Variants in MGAM observed in about 807,000 individuals in gnomAD.
MGAM encodes maltase-glucoamylase, also known as alpha-1,4-glucosidase.
In MGAM, 253 loss-of-function variants were observed where a neutral mutation model predicts 358.8. The observed-to-expected ratio is 0.71, with a 90% CI of 0.64 to 0.78. The LOEUF (loss-of-function observed/expected upper bound fraction) is 0.78. Ranked by LOEUF, MGAM falls within the 30% of genes least tolerant of loss-of-function variation. MGAM has a pLI of 0.00. For synonymous variants in MGAM, 1,105 were observed against 1,227.1 expected (o/e 0.90, Z 2.08); for missense variants, 3,080 against 3,432.6 (o/e 0.90, Z 2.57).
rs1418683295 is a variant in MGAM at position 142,070,906 on chromosome 7, A to G, written c.5062-88A>G. The stretch of plus-strand genomic sequence containing the variant: ...GGGTGATGAACAGGCATAAGTTCAG[A>G]GGGGAGGATGAGATGTCTGGCAGGA... On this transcript the variant is annotated intron_variant, in intron 43 of 70. Coordinates refer to ENST00000475668, the MANE Select transcript of MGAM (RefSeq NM_001365693.1). The G allele has an allele frequency of 3.1e-5, 45 of 1,474,766 alleles. 6 individuals carry two copies. The highest frequency in any genetic ancestry group is 4.1e-5 in the Non-Finnish European group (44 of 1,065,894). The allele number at this position is 1,474,766 out of a possible 1,614,324, so 91.4% of individuals were successfully genotyped here. A position where few individuals can be genotyped will look rare whatever the true frequency, so the allele number is the denominator to read the frequency against.
Position 142,099,696 on chromosome 7 carries a change from C to T in MGAM, c.7833C>T (p.Tyr2611=). ...DHINLHVRGG[Y]ILPWQEPALN... is the part of the protein sequence containing the mutation. ...TTAATCTTCATGTCCGTGGGGGCTA[C>T]ATCCTGCCCTGGCAAGAGCCTGCAC... The change falls in exon 67 of 71, where the codon TAC becomes TAT. Residue 2611 remains tyrosine, a synonymous_variant. Transcript: ENST00000475668. 1 of 1,614,004 alleles carries T rather than the reference C, an allele frequency of 6.2e-7. No homozygotes were observed. Among genetic ancestry groups the T allele is most frequent in the Non-Finnish European group, 8.5e-7 (1 of 1,179,886 alleles).
chr7:141,996,884 T>G (rs1435078826), intron 1 of MGAM, among the ~76,000 whole-genome samples: 2 of 152,114 alleles, frequency 1.3e-5, no homozygotes, highest in Non-Finnish European at 2.9e-5. Context: ...GTAGGGTATC[T>G]GTCCTGGCAG....
intron 65 of MGAM, 77 bp from the exon 66 acceptor site, chr7:142,097,516 C>A (rs1816034255): frequency 1.4e-6 from 2 of 1,409,780 alleles, no homozygotes; most frequent in Non-Finnish European, 1.0e-6. Flanking sequence ...AATTATTTAA[C>A]CTCTTTCCTA....
intron 19 of MGAM, among the ~76,000 whole-genome samples, chr7:142,039,734 G>A (rs1408162508): frequency 6.6e-6 from 1 of 152,112 alleles, no homozygotes. Context: ...GCCACTTTGA[G>A]CCTGTGTGAT....
At position 142,093,222 on chromosome 7, in the gene MGAM, A is replaced by T. The variant is rs186198865; in HGVS notation, c.7034-190A>T. Among the ~76,000 whole-genome samples, 60 of 146,574 alleles carry T rather than the reference A, an allele frequency of 4.1e-4. 1 individual carries two copies. The highest frequency in any genetic ancestry group is 1.4e-3 in the African/African-American group (57 of 41,258). ...ACCTCTGCTTTCTTCAGTGAACTTG[A>T]TGTTGGAAACACTGGAGCCGCCGTT... On this transcript the variant is annotated intron_variant, in intron 59 of 70. Transcript: ENST00000475668.
chr7:142,005,684 C>T (rs1554452147), intron 2 of MGAM, 27 bp downstream of exon 2: 12 of 1,587,858 alleles, frequency 7.6e-6, no homozygotes, highest in Non-Finnish European at 1.0e-5. Context: ...GGGCTCTCTC[C>T]ATATGTTGTT....
rs1415686921 is a variant in MGAM, at chr7:142,094,771, T to C, written c.7366T>C (p.Phe2456Leu). The change falls in exon 63 of 71, where the codon TTT becomes CTT. Residue 2456 changes from phenylalanine to leucine, a missense_variant. Physicochemically the swap from Phe to Leu is conservative, Grantham distance 22 (BLOSUM62 0). This residue lies in a region of MGAM where 932 missense variants were observed against 1,198.2 expected (regional missense o/e 0.78). Coordinates refer to ENST00000475668, the MANE Select transcript of MGAM (RefSeq NM_001365693.1). The stretch of plus-strand genomic sequence containing the variant: ...GACGGGAGCAGATATCTGTGGGTTC[T>C]TTCAAGATGCTGAATATGAGATGTG... Reference protein sequence around the residue: ...SYTGADICGFFQDAEYEMCVR... With the variant: ...SYTGADICGFLQDAEYEMCVR... The C allele has an allele frequency of 6.2e-7, 1 of 1,613,664 alleles. No individual in the cohort carries two copies. Among genetic ancestry groups the C allele is most frequent in the Admixed American group, 1.7e-5 (1 of 59,984 alleles).
At chr7:142,006,912 C>T (rs937748134) in intron 2 of MGAM, among the ~76,000 whole-genome samples, 19 of 152,202 alleles carry the variant, frequency 1.2e-4, no homozygotes, top group African/African-American at 4.3e-4. Flanking sequence ...TGGTCTGCTG[C>T]TGTGCGCTTC....
intron 50 of MGAM, among the ~76,000 whole-genome samples, chr7:142,081,185 G>T (rs1254650395): frequency 6.8e-6 from 1 of 146,526 alleles, no homozygotes; most frequent in African/African-American, 2.4e-5. Context: ...GCCTTCTCTA[G>T]ATTAGGTGCT....
chr7:142,056,440 A>G (rs1811553533), intron 29 of MGAM, among the ~76,000 whole-genome samples: 1 of 152,122 alleles, frequency 6.6e-6, no homozygotes, highest in Non-Finnish European at 1.5e-5. Flanking sequence ...TTGAGGGTGT[A>G]TGGTATGTTG....
chr7:142,065,491 C>A (rs1812638062), intron 38 of MGAM, 23 bp downstream of exon 38: 3 of 1,613,570 alleles, frequency 1.9e-6, no homozygotes, highest in Non-Finnish European at 2.5e-6. Flanking sequence ...TTCCCCAGGG[C>A]CTTTGCCGAC....
At chr7:142,058,532 T>G (rs765385132) in intron 31 of MGAM, among the ~76,000 whole-genome samples, 3 of 152,254 alleles carry the variant, frequency 2.0e-5, no homozygotes, top group Non-Finnish European at 4.4e-5. Flanking sequence ...AGACCCAGCA[T>G]GACTCGCCAG....
intron 2 of MGAM, among the ~76,000 whole-genome samples, chr7:141,990,138 C>T (rs1474370073): frequency 6.6e-6 from 1 of 152,170 alleles, no homozygotes; most frequent in Admixed American, 6.6e-5. Context: ...GGGGAATGCA[C>T]ACCTATAAAA....
rs538322393 is a variant in MGAM at position 142,047,475 on chromosome 7, T to C, written c.2499-310T>C. Among the ~76,000 whole-genome samples, 25 of 152,268 alleles carry C rather than the reference T, an allele frequency of 1.6e-4. No homozygotes were observed. In the South Asian group the frequency reaches 5.2e-3, roughly 32 times the overall value. On this transcript the variant is annotated intron_variant, in intron 21 of 70. Coordinates refer to ENST00000475668, the MANE Select transcript of MGAM (RefSeq NM_001365693.1). ...GTTATTGCCCAAGATTTATTTCTCT[T>C]CTCATACTCTGTATTCTAAGTAGTA...
At chr7:142,012,392 A>G (rs1407522228) in intron 3 of MGAM, among the ~76,000 whole-genome samples, 1 of 152,108 alleles carries the variant, frequency 6.6e-6, no homozygotes, top group Non-Finnish European at 1.5e-5. Flanking sequence ...TCTCCTTTAT[A>G]AGGGCACCTA....
intron 42 of MGAM, 41 bp downstream of exon 42, chr7:142,067,466 T>C: frequency 6.7e-7 from 1 of 1,484,516 alleles, no homozygotes; most frequent in Non-Finnish European, 9.3e-7. Context: ...ATCCCAGCTG[T>C]GAGGCTTGGG....
At chr7:142,061,709 A>T (rs902836870) in intron 34 of MGAM, among the ~76,000 whole-genome samples, 5 of 152,278 alleles carry the variant, frequency 3.3e-5, no homozygotes, top group Non-Finnish European at 5.9e-5. Flanking sequence ...TACTGAGACA[A>T]ACAAAGGACT....
rs1229276923 is a variant in MGAM at position 142,065,441 on chromosome 7, T to G, written c.4591T>G (p.Trp1531Gly). 6.2e-7 allele frequency: 1 copy of G among 1,610,470 alleles called. No individual in the cohort carries two copies. The highest frequency in any genetic ancestry group is 1.3e-5 in the African/African-American group (1 of 74,834). Residue 1531 changes from tryptophan to glycine, a missense_variant, in exon 38 of 71, where the codon TGG (tryptophan) becomes GGG (glycine). Coordinates refer to ENST00000475668, the MANE Select transcript of MGAM (RefSeq NM_001365693.1). ...GHWLGDNTAA[W>G]DQLKKSIIGM... ...TTGGCTGGGAGACAACACGGCCGCATGGGATCAGCTGAAGAAGTCTATCAT... is the reference window on the plus strand; with the variant it reads ...TTGGCTGGGAGACAACACGGCCGCAGGGGATCAGCTGAAGAAGTCTATCAT...
At chr7:142,047,027 T>C (rs1164265346) in intron 21 of MGAM, among the ~76,000 whole-genome samples, 2 of 152,158 alleles carry the variant, frequency 1.3e-5, no homozygotes, top group Non-Finnish European at 2.9e-5. Flanking sequence ...CTAACTTTCT[T>C]GCATAGTGAA....
Sources: gnomAD v4.1 joint callset for allele counts (sites outside exome capture counted in the v4.1 genomes callset) on GRCh38, gnomAD v4.1.1 for gene constraint, gnomAD v4.1.1 regional missense constraint, MANE v1.5 for transcripts, NCBI Gene and HGNC (gene_info 2026-07-23, HGNC 2026-07-21) for gene names.